Variants in DLGAP2 observed in about 807,000 individuals in gnomAD.
DLGAP2 encodes the protein DLG associated protein 2.
A neutral mutation model predicts 100.3 loss-of-function variants in DLGAP2; 26 were observed. The ratio of observed to expected loss-of-function variants is 0.26; its 90% CI spans 0.19 to 0.36. DLGAP2 has a LOEUF of 0.36. DLGAP2 is among the 10% of genes least tolerant of loss of function. DLGAP2 has a pLI of 1.00. For synonymous variants in DLGAP2, 886 were observed against 630.1 expected (o/e 1.41, Z -6.08); for missense variants, 1,858 against 1,453.2 (o/e 1.28, Z -4.53).
intron 2 of DLGAP2, among the ~76,000 whole-genome samples, chr8:970,832 A>G (rs1285917080): frequency 6.6e-6 from 1 of 152,250 alleles, no homozygotes; most frequent in Non-Finnish European, 1.5e-5. Context: ...CACCAAAGAG[A>G]TGCAATGAAA....
At chr8:1,231,899 C>T (rs981577740) in intron 2 of DLGAP2, among the ~76,000 whole-genome samples, 1 of 152,156 alleles carries the variant, frequency 6.6e-6, no homozygotes, top group Non-Finnish European at 1.5e-5. Flanking sequence ...CAAATCTCAG[C>T]ATCCTACAAT....
At chr8:1,538,456 C>T (rs1439768188) in intron 4 of DLGAP2, among the ~76,000 whole-genome samples, 1 of 152,198 alleles carries the variant, frequency 6.6e-6, no homozygotes, top group African/African-American at 2.4e-5. Context: ...AACATATTAA[C>T]TTCCTCTTAG....
intron 5 of DLGAP2, among the ~76,000 whole-genome samples, chr8:1,551,905 G>T (rs1801780558): frequency 6.6e-6 from 1 of 152,178 alleles, no homozygotes; most frequent in African/African-American, 2.4e-5. Context: ...TTTGAATCAG[G>T]ATCCAGAGAA....
At chr8:1,514,586 C>T (rs930298782) in intron 4 of DLGAP2, among the ~76,000 whole-genome samples, 6 of 152,332 alleles carry the variant, frequency 3.9e-5, no homozygotes, top group Middle Eastern at 3.4e-3. Flanking sequence ...ATGGGTGTTT[C>T]TCACCTCCAG....
At chr8:1,697,362 G>C (rs1481918178) in intron 14 of DLGAP2, 63 bp downstream of exon 14, 1 of 1,519,932 alleles carries the variant, frequency 6.6e-7, no homozygotes, top group South Asian at 1.3e-5. Flanking sequence ...CTAACGACCT[G>C]CTGCAGATAG....
At chr8:1,436,909 CCT>C (rs1388560829) in intron 3 of DLGAP2, among the ~76,000 whole-genome samples, 2 of 152,252 alleles carry the variant, frequency 1.3e-5, no homozygotes, top group African/African-American at 2.4e-5. Context: ...ACTTCTTACC[CCT>C]GTGTTACAGT....
chr8:1,681,027 TGAG>T (rs1316459356), intron 12 of DLGAP2, among the ~76,000 whole-genome samples: 1 of 151,440 alleles, frequency 6.6e-6, no homozygotes, highest in Non-Finnish European at 1.5e-5. Context: ...AGAACACCTT[TGAG>T]GAGGAGGAGA....
At chr8:1,278,263 G>T (rs992338710) in intron 3 of DLGAP2, among the ~76,000 whole-genome samples, 1 of 152,176 alleles carries the variant, frequency 6.6e-6, no homozygotes, top group Admixed American at 6.5e-5. Context: ...TGGAAAAGAA[G>T]ATCTATATTC....
At chr8:1,494,879 A>G (rs1399008757) in intron 3 of DLGAP2, among the ~76,000 whole-genome samples, 1 of 152,204 alleles carries the variant, frequency 6.6e-6, no homozygotes, top group East Asian at 1.9e-4. Context: ...GCGGCAGAGA[A>G]CAAACTTAAC....
intron 2 of DLGAP2, among the ~76,000 whole-genome samples, chr8:942,678 CAG>C (rs1799223265): frequency 6.6e-6 from 1 of 152,230 alleles, no homozygotes; most frequent in South Asian, 2.1e-4. Flanking sequence ...TTCAGTGAGG[CAG>C]AGTCATGTTA....
At chr8:1,287,208 TG>T in intron 3 of DLGAP2, among the ~76,000 whole-genome samples, 1 of 9,810 alleles carries the variant, frequency 1.0e-4, no homozygotes, top group Admixed American at 1.2e-3. Flanking sequence ...TGGTTCAGTG[TG>T]TGTGTGTGTG....
At chr8:1,550,403 A>T (rs1268191883) in intron 5 of DLGAP2, among the ~76,000 whole-genome samples, 2 of 152,124 alleles carry the variant, frequency 1.3e-5, no homozygotes, top group Admixed American at 1.3e-4. Flanking sequence ...CCTCCTTGGA[A>T]CCATCCCTCT....
At chr8:1,689,904 G>T (rs1057180599) in intron 12 of DLGAP2, among the ~76,000 whole-genome samples, 10 of 152,220 alleles carry the variant, frequency 6.6e-5, no homozygotes, top group African/African-American at 2.4e-4. Flanking sequence ...GTGAATTGTT[G>T]CTCTGGCAAA....
At chr8:1,409,892 C>T (rs561524664) in intron 3 of DLGAP2, among the ~76,000 whole-genome samples, 4 of 152,212 alleles carry the variant, frequency 2.6e-5, no homozygotes, top group South Asian at 4.1e-4. Flanking sequence ...TGAATTACAC[C>T]TGACCCCGTG....
intron 6 of DLGAP2, 51 bp downstream of exon 6, chr8:1,565,945 G>T: frequency 6.7e-7 from 1 of 1,484,746 alleles, no homozygotes; most frequent in Admixed American, 2.2e-5. Context: ...CACTGCCTGC[G>T]AGCTCCCTCT....
chr8:950,188 C>G (rs926752955), intron 2 of DLGAP2, among the ~76,000 whole-genome samples: 1 of 152,110 alleles, frequency 6.6e-6, no homozygotes, highest in African/African-American at 2.4e-5. Context: ...CAATCTCATG[C>G]CCGGCTGAAG....
chr8:1,121,608 C>G (rs1293202956), intron 2 of DLGAP2, among the ~76,000 whole-genome samples: 1 of 152,148 alleles, frequency 6.6e-6, no homozygotes, highest in Non-Finnish European at 1.5e-5. Context: ...CTTCAGAACC[C>G]ATGACTACCC....
At chr8:1,514,904 G>A (rs1292842876) in intron 4 of DLGAP2, among the ~76,000 whole-genome samples, 1 of 152,200 alleles carries the variant, frequency 6.6e-6, no homozygotes, top group African/African-American at 2.4e-5. Context: ...CCAGCCCCAC[G>A]AGGGGAAGAG....
intron 8 of DLGAP2, among the ~76,000 whole-genome samples, chr8:1,649,455 G>C (rs1211136517): frequency 6.6e-6 from 1 of 152,198 alleles, no homozygotes; most frequent in Non-Finnish European, 1.5e-5. Flanking sequence ...CAAAATTAAA[G>C]CAAGAGATTA....
Sources: gnomAD v4.1 joint callset for allele counts (sites outside exome capture counted in the v4.1 genomes callset) on GRCh38, gnomAD v4.1.1 for gene constraint, MANE v1.5 for transcripts, NCBI Gene and HGNC (gene_info 2026-07-23, HGNC 2026-07-21) for gene names.